Variants in PDGFD observed in about 807,000 individuals in gnomAD.
The protein encoded by PDGFD is platelet derived growth factor D, also known as platelet-derived growth factor D.
In PDGFD, 30 loss-of-function variants were observed where a neutral mutation model predicts 44.7. The ratio of observed to expected loss-of-function variants is 0.67; its 90% confidence interval spans 0.50 to 0.91. The LOEUF (loss-of-function observed/expected upper bound fraction) is 0.91, where lower values mean the gene tolerates loss of function less well. Ranked by LOEUF, PDGFD falls within the 40% of genes least tolerant of loss-of-function variation. The pLI is 0.00. For missense variants in PDGFD, 445 were observed against 457.8 expected, an observed-to-expected ratio of 0.97 and a Z score of 0.25; for synonymous variants, 173 against 168.4, an observed-to-expected ratio of 1.03 and a Z score of -0.21.
chr11:104,025,701 A>G (rs964070170), intron 1 of PDGFD, among the ~76,000 whole-genome samples: 3 of 152,206 alleles, frequency 2.0e-5, no homozygotes, highest in Admixed American at 6.5e-5. Flanking sequence ...AGGGCACTGG[A>G]AAGCGGAAGG....
intron 3 of PDGFD, among the ~76,000 whole-genome samples, chr11:103,994,081 C>T (rs1307044678): frequency 6.6e-6 from 1 of 152,172 alleles, no homozygotes; most frequent in Non-Finnish European, 1.5e-5. Context: ...ACCCAAAACA[C>T]ATCAAACAAA....
intron 1 of PDGFD, among the ~76,000 whole-genome samples, chr11:104,099,807 G>T (rs909693479): frequency 3.3e-5 from 5 of 151,764 alleles, no homozygotes; most frequent in African/African-American, 1.2e-4. Flanking sequence ...GAAACTATTT[G>T]CAATTCTAGT....
chr11:104,110,532 A>T (rs953498988), intron 1 of PDGFD, among the ~76,000 whole-genome samples: 1 of 151,628 alleles, frequency 6.6e-6, no homozygotes. Context: ...AAAAAAAGAA[A>T]CTTACACAGG....
intron 6 of PDGFD, among the ~76,000 whole-genome samples, chr11:103,911,916 G>A (rs988745975): frequency 2.6e-5 from 4 of 151,398 alleles, no homozygotes; most frequent in Non-Finnish European, 4.4e-5. Context: ...AAAGTGAGAA[G>A]ACAAGATTAC....
intron 1 of PDGFD, among the ~76,000 whole-genome samples, chr11:104,043,151 A>T (rs1860386184): frequency 6.6e-6 from 1 of 152,188 alleles, no homozygotes; most frequent in South Asian, 2.1e-4. Context: ...TGAATCACAA[A>T]ATATAGAATA....
chr11:104,037,012 T>C (rs1164376895), intron 1 of PDGFD: 1 of 1,614,122 alleles, frequency 6.2e-7, no homozygotes, highest in African/African-American at 1.3e-5. Context: ...CCTGGGCTCC[T>C]ACGGCCTCAA....
chr11:103,983,477 C>T (rs1000211034), intron 3 of PDGFD, among the ~76,000 whole-genome samples: 3 of 150,056 alleles, frequency 2.0e-5, no homozygotes, highest in Non-Finnish European at 4.4e-5. Flanking sequence ...CTGAAGACAA[C>T]TTAGGCAATA....
chr11:104,036,205 G>A (rs968301753), intron 1 of PDGFD, among the ~76,000 whole-genome samples: 13 of 152,232 alleles, frequency 8.5e-5, no homozygotes, highest in African/African-American at 1.9e-4. Context: ...TTGGGAGGCC[G>A]AAGTGTGGGG....
At chr11:103,968,375 C>A (rs1859051735) in intron 3 of PDGFD, among the ~76,000 whole-genome samples, 1 of 152,122 alleles carries the variant, frequency 6.6e-6, no homozygotes, top group Non-Finnish European at 1.5e-5. Flanking sequence ...TGGCCATCTC[C>A]TACGGGACGT....
intron 3 of PDGFD, 55 bp from the exon 4 acceptor site, chr11:103,947,779 G>T: frequency 7.7e-7 from 1 of 1,293,826 alleles, no homozygotes; most frequent in Non-Finnish European, 1.1e-6. Context: ...AATTCATTAT[G>T]TGCACAGTTT....
intron 1 of PDGFD, among the ~76,000 whole-genome samples, chr11:104,077,877 T>G (rs1304587221): frequency 6.6e-6 from 1 of 152,200 alleles, no homozygotes; most frequent in African/African-American, 2.4e-5. Flanking sequence ...TTTTCACCCT[T>G]TCCCTTCTCC....
intron 1 of PDGFD, among the ~76,000 whole-genome samples, chr11:104,118,842 TATATTATATA>T (rs1311867232): frequency 3.3e-5 from 1 of 30,640 alleles, no homozygotes; most frequent in African/African-American, 1.3e-4. Flanking sequence ...TAATATATAA[TATATTATATA>T]TTATAATATA....
chr11:104,070,234 T>A (rs1473023694), intron 1 of PDGFD, among the ~76,000 whole-genome samples: 1 of 152,246 alleles, frequency 6.6e-6, no homozygotes, highest in Non-Finnish European at 1.5e-5. Flanking sequence ...ACCTGGGTAC[T>A]AAGTGTGTTA....
chr11:104,069,898 C>A (rs1860849264), intron 1 of PDGFD, among the ~76,000 whole-genome samples: 2 of 152,186 alleles, frequency 1.3e-5, no homozygotes, highest in African/African-American at 4.8e-5. Flanking sequence ...TTCCATCATT[C>A]CGTCTACATT....
rs566578114 is a variant in PDGFD at position 104,053,652 on chromosome 11, C to A, written c.125-53397G>T. ...CACATAAAAATAAATTGGGAGGGGGCAAATCAACTATTTGGAACATAGTTT... is the reference window on the plus strand; with the variant it reads ...CACATAAAAATAAATTGGGAGGGGGAAAATCAACTATTTGGAACATAGTTT... On this transcript the variant is annotated intron_variant, in intron 1 of 6. Transcript: ENST00000393158. Among the ~76,000 whole-genome samples the A allele has an allele frequency of 3.3e-5, 5 of 152,160 alleles. No individual in the cohort carries two copies. In the East Asian group the frequency reaches 9.7e-4, roughly 29 times the overall value.
At chr11:103,990,264 T>A (rs999213066) in intron 3 of PDGFD, among the ~76,000 whole-genome samples, 1 of 152,230 alleles carries the variant, frequency 6.6e-6, no homozygotes, top group Non-Finnish European at 1.5e-5. Flanking sequence ...TTCTCTTTTC[T>A]ATTTTAGGGT....
intron 5 of PDGFD, among the ~76,000 whole-genome samples, chr11:103,928,883 G>A (rs1390966665): frequency 6.6e-6 from 1 of 152,214 alleles, no homozygotes; most frequent in Non-Finnish European, 1.5e-5. Flanking sequence ...TCCATTACAA[G>A]TGTCACCTTG....
chr11:104,133,018 T>C (rs1244171831), intron 1 of PDGFD, among the ~76,000 whole-genome samples: 4 of 152,096 alleles, frequency 2.6e-5, no homozygotes, highest in Non-Finnish European at 5.9e-5. Flanking sequence ...AACTGTAAGG[T>C]TGTCACAGGA....
intron 1 of PDGFD, among the ~76,000 whole-genome samples, chr11:104,044,363 C>T (rs185337705): frequency 3.9e-5 from 6 of 152,066 alleles, no homozygotes; most frequent in African/African-American, 1.2e-4. Flanking sequence ...ATGTGAAGGA[C>T]AGCATCTGAT....
Sources: allele counts gnomAD v4.1 joint callset (sites outside exome capture counted in the v4.1 genomes callset), GRCh38; gene constraint gnomAD v4.1.1; transcripts MANE v1.5; gene names NCBI Gene and HGNC (gene_info 2026-07-23, HGNC 2026-07-21).